The following GRIP1 variants were observed in gnomAD, a reference collection of about 807,000 sequenced individuals.
The protein encoded by GRIP1 is glutamate receptor-interacting protein 1.
Under a neutral mutation model 129.9 loss-of-function variants are expected in GRIP1, and 45 were observed. That is an observed-to-expected ratio of 0.35 (90% confidence interval 0.27 to 0.44). GRIP1 has a LOEUF of 0.44. Among genes scored for constraint, GRIP1 ranks in the 20% least tolerant of loss-of-function variants. GRIP1 has a pLI of 1.00. For synonymous variants in GRIP1, 530 were observed against 520.8 expected (o/e 1.02, Z -0.24); for missense variants, 1,196 against 1,396.8 (o/e 0.86, Z 2.29).
At chr12:66,611,176 A>C (rs145252081) in intron 1 of GRIP1, among the ~76,000 whole-genome samples, 41 of 152,296 alleles carry the variant, frequency 2.7e-4, no homozygotes, top group Admixed American at 3.9e-4. Flanking sequence ...ATATCATCAC[A>C]TTTATGTAAA....
chr12:66,613,871 T>A (rs971455652), intron 1 of GRIP1, among the ~76,000 whole-genome samples: 2 of 152,206 alleles, frequency 1.3e-5, no homozygotes, highest in African/African-American at 4.8e-5. Flanking sequence ...TAAAACACAG[T>A]ATTAGGTACC....
intron 14 of GRIP1, among the ~76,000 whole-genome samples, chr12:66,430,968 G>A (rs1401996548): frequency 6.6e-6 from 1 of 152,104 alleles, no homozygotes; most frequent in African/African-American, 2.4e-5. Flanking sequence ...ATGGAAGTGG[G>A]GGCAGGGTTT....
At chr12:66,817,990 A>T (rs571027130) in intron 1 of GRIP1, among the ~76,000 whole-genome samples, 1 of 152,338 alleles carries the variant, frequency 6.6e-6, no homozygotes, top group South Asian at 2.1e-4. Context: ...AGGAAGGAGT[A>T]TTTTAACAGC....
chr12:66,399,781 G>C (rs1291507585), intron 16 of GRIP1, among the ~76,000 whole-genome samples: 3 of 151,904 alleles, frequency 2.0e-5, no homozygotes, highest in African/African-American at 4.9e-5. Context: ...ATTTGGGAGA[G>C]AGCCTTTGGA....
intron 2 of GRIP1, among the ~76,000 whole-genome samples, chr12:66,549,388 G>A (rs2139294818): frequency 6.6e-6 from 1 of 152,198 alleles, no homozygotes; most frequent in East Asian, 1.9e-4. Context: ...CCTTAGTAAG[G>A]GGAATTAGGG....
intron 1 of GRIP1, among the ~76,000 whole-genome samples, chr12:66,735,196 G>A (rs1029404268): frequency 6.6e-6 from 1 of 152,158 alleles, no homozygotes; most frequent in Non-Finnish European, 1.5e-5. Flanking sequence ...GTTCTGGATT[G>A]TGTGCAAATC....
intron 7 of GRIP1, among the ~76,000 whole-genome samples, chr12:66,476,963 G>A (rs550401245): frequency 1.8e-3 from 270 of 152,160 alleles, no homozygotes; most frequent in Middle Eastern, 6.8e-3. Context: ...TTTGAAAACC[G>A]GCACAAGACA....
intron 11 of GRIP1, among the ~76,000 whole-genome samples, chr12:66,447,430 C>G (rs1399992244): frequency 1.3e-5 from 2 of 152,198 alleles, no homozygotes; most frequent in Admixed American, 6.5e-5. Context: ...TTTCATTCCA[C>G]AAAGGATTTG....
chr12:66,539,047 C>T, intron 4 of GRIP1, 31 bp downstream of exon 4: 1 of 1,591,964 alleles, frequency 6.3e-7, no homozygotes, highest in African/African-American at 1.3e-5. Flanking sequence ...GGAATGTATC[C>T]CCTATGGATA....
chr12:66,618,412 C>T (rs1010946136), intron 1 of GRIP1, among the ~76,000 whole-genome samples: 1 of 151,912 alleles, frequency 6.6e-6, no homozygotes, highest in African/African-American at 2.4e-5. Flanking sequence ...GAAGTAGAAA[C>T]TGGCTGGTGG....
intron 16 of GRIP1, among the ~76,000 whole-genome samples, chr12:66,400,292 A>C: frequency 6.7e-6 from 1 of 149,784 alleles, no homozygotes; most frequent in Admixed American, 6.6e-5. Context: ...TTATGAGATC[A>C]AGCATGCAAA....
intron 1 of GRIP1, among the ~76,000 whole-genome samples, chr12:66,879,740 A>C (rs1322538482): frequency 6.6e-6 from 1 of 152,182 alleles, no homozygotes; most frequent in Admixed American, 6.5e-5. Context: ...CTCAACTTGC[A>C]GTGCATATTT....
chr12:66,996,474 C>T (rs1309433071), intron 1 of GRIP1, among the ~76,000 whole-genome samples: 1 of 152,118 alleles, frequency 6.6e-6, no homozygotes, highest in African/African-American at 2.4e-5. Context: ...TCTCCATTGC[C>T]TAAGGGCCTT....
chr12:66,538,345 A>T (rs901412085), intron 4 of GRIP1, among the ~76,000 whole-genome samples: 1 of 151,750 alleles, frequency 6.6e-6, no homozygotes, highest in Non-Finnish European at 1.5e-5. Flanking sequence ...GACTACAGGC[A>T]TATGCCACCA....
intron 5 of GRIP1, among the ~76,000 whole-genome samples, chr12:66,528,135 T>TTTTTTTTTTTTG (rs1555201174): frequency 5.0e-4 from 45 of 90,572 alleles, no homozygotes; most frequent in African/African-American, 2.1e-3. Flanking sequence ...AATTAGTAGG[T>TTTTTTTTTTTTG]TTTTTTTTTT....
chr12:66,696,487 T>G (rs995125768), intron 1 of GRIP1, among the ~76,000 whole-genome samples: 6 of 151,928 alleles, frequency 3.9e-5, no homozygotes, highest in African/African-American at 1.5e-4. Context: ...AAAGAAATTT[T>G]AAAAAGAATT....
chr12:66,643,993 A>G (rs2032151767), intron 1 of GRIP1, among the ~76,000 whole-genome samples: 1 of 152,196 alleles, frequency 6.6e-6, no homozygotes, highest in Non-Finnish European at 1.5e-5. Flanking sequence ...TTACGGTCCC[A>G]TATGGCTGGG....
At chr12:66,689,407 T>C (rs1027946654) in intron 1 of GRIP1, among the ~76,000 whole-genome samples, 1 of 152,166 alleles carries the variant, frequency 6.6e-6, no homozygotes, top group Non-Finnish European at 1.5e-5. Flanking sequence ...TCATTGTCAT[T>C]GTCATCATGA....
chr12:67,060,399 T>C (rs1220848209), intron 1 of GRIP1, among the ~76,000 whole-genome samples: 1 of 152,230 alleles, frequency 6.6e-6, no homozygotes, highest in East Asian at 1.9e-4. Context: ...TGCATATAAC[T>C]GATTTTGGGG....
Sources: gnomAD v4.1 joint callset for allele counts (sites outside exome capture counted in the v4.1 genomes callset) on GRCh38, gnomAD v4.1.1 for gene constraint, MANE v1.5 for transcripts, NCBI Gene and HGNC (gene_info 2026-07-23, HGNC 2026-07-21) for gene names.